HECW1: variants seen among roughly 807,000 people sequenced by gnomAD.
HECW1 encodes the protein E3 ubiquitin-protein ligase HECW1.
In HECW1, 61 loss-of-function variants were observed where a neutral mutation model predicts 182.3. That is an observed-to-expected ratio of 0.33 (90% CI 0.27 to 0.41). The LOEUF is 0.41. Among genes scored for constraint, HECW1 ranks in the 10% least tolerant of loss-of-function variants. The pLI is 1.00. For synonymous variants in HECW1, 859 were observed against 832.6 expected (o/e 1.03, Z -0.55); for missense variants, 1,739 against 2,108.9 (o/e 0.82, Z 3.44).
intron 3 of HECW1, among the ~76,000 whole-genome samples, chr7:43,254,766 C>T (rs1800390324): frequency 6.6e-6 from 1 of 150,684 alleles, no homozygotes; most frequent in Admixed American, 6.6e-5. Flanking sequence ...GGTCGTAATG[C>T]CCAGAGAGAT....
chr7:43,202,566 C>T (rs1017575537), intron 2 of HECW1, among the ~76,000 whole-genome samples: 3 of 151,632 alleles, frequency 2.0e-5, no homozygotes, highest in South Asian at 2.1e-4. Flanking sequence ...CACTGCCTCC[C>T]GGGTTCAAGC....
At chr7:43,336,144 TTCTCTCTCTC>T (rs768468130) in intron 5 of HECW1, among the ~76,000 whole-genome samples, 757 of 51,776 alleles carry the variant, frequency 0.015, 5 homozygotes, top group East Asian at 0.036. Flanking sequence ...CTCTCTCTCT[TTCTCTCTCTC>T]TCTCTCTCTC....
chr7:43,400,120 C>T (rs1293412164), intron 7 of HECW1, among the ~76,000 whole-genome samples: 1 of 152,148 alleles, frequency 6.6e-6, no homozygotes, highest in African/African-American at 2.4e-5. Context: ...CCTATAGTCC[C>T]AGCTACTCAG....
At chr7:43,258,236 G>A (rs1031550546) in intron 3 of HECW1, among the ~76,000 whole-genome samples, 1 of 151,790 alleles carries the variant, frequency 6.6e-6, no homozygotes, top group Admixed American at 6.6e-5. Flanking sequence ...CCAGCTACTC[G>A]GGAGGCTAAG....
chr7:43,479,665 C>T lies in HECW1; in HGVS notation c.3155C>T (p.Pro1052Leu). Residue 1052 changes from proline (P) to leucine (L), a missense_variant, in exon 17 of 30, where the codon CCT becomes CTT. Around this residue, in one of 5 missense-constraint regions of HECW1, gnomAD observed 971 missense variants for 1,029.1 expected, o/e 0.94. Transcript: ENST00000395891. The stretch of plus-strand genomic sequence containing the variant: ...ACCACTTTCATTGACCCCCGAATCC[C>T]TCTTCAGAACGGTCGTCTTCCCAAT... ...RATTFIDPRI[P>L]LQNGRLPNHL... The T allele has an allele frequency of 5.0e-6, 8 of 1,614,104 alleles. No individual in the cohort carries two copies. The highest frequency in any genetic ancestry group is 6.8e-6 in the Non-Finnish European group (8 of 1,180,010).
chr7:43,392,475 A>G (rs1249725136), intron 6 of HECW1, among the ~76,000 whole-genome samples: 1 of 152,210 alleles, frequency 6.6e-6, no homozygotes, highest in Non-Finnish European at 1.5e-5. Flanking sequence ...TTCCAAATAC[A>G]TGCTCATTTG....
At chr7:43,219,570 G>A (rs1796768240) in intron 2 of HECW1, among the ~76,000 whole-genome samples, 2 of 152,116 alleles carry the variant, frequency 1.3e-5, no homozygotes, top group South Asian at 4.1e-4. Context: ...GGGTGTGTGT[G>A]AGAGGGTCAT....
chr7:43,492,656 AT>A (rs1231366400), intron 18 of HECW1, among the ~76,000 whole-genome samples: 1 of 152,192 alleles, frequency 6.6e-6, no homozygotes, highest in Non-Finnish European at 1.5e-5. Context: ...TCTAAATGGT[AT>A]TTCCATTATC....
At chr7:43,430,036 T>C (rs1443788652) in intron 8 of HECW1, among the ~76,000 whole-genome samples, 1 of 152,222 alleles carries the variant, frequency 6.6e-6, no homozygotes, top group African/African-American at 2.4e-5. Flanking sequence ...ACAACCCAAA[T>C]CAAATTAACT....
chr7:43,505,866 A>G (rs539694187), intron 21 of HECW1, among the ~76,000 whole-genome samples: 4 of 152,292 alleles, frequency 2.6e-5, no homozygotes, highest in South Asian at 4.1e-4. Context: ...CTTGTATTAT[A>G]TACTCATTTC....
At chr7:43,401,567 GTTTT>G (rs10574466) in intron 7 of HECW1, among the ~76,000 whole-genome samples, 5 of 123,206 alleles carry the variant, frequency 4.1e-5, no homozygotes, top group African/African-American at 1.5e-4. Flanking sequence ...ATTTAAAAAG[GTTTT>G]TTTTTTTTTT....
chr7:43,441,757 T>A (rs2152875478), intron 9 of HECW1, among the ~76,000 whole-genome samples: 1 of 152,354 alleles, frequency 6.6e-6, no homozygotes, highest in African/African-American at 2.4e-5. Context: ...ACACTGAAAT[T>A]TGAATTTCAT....
At chr7:43,561,763 C>A in intron 29 of HECW1, 52 bp from the exon 30 acceptor site, 1 of 1,229,598 alleles carries the variant, frequency 8.1e-7, no homozygotes, top group Non-Finnish European at 1.2e-6. Context: ...AGATCCAGAA[C>A]CAGTTGTATC....
rs2082305387 is a variant in HECW1 at position 43,565,442 on chromosome 7, A to G, written c.*3516A>G. 1 of 197,430 alleles carries G rather than the reference A, an allele frequency of 5.1e-6. No individual in the cohort carries two copies. Among genetic ancestry groups the G allele is most frequent in the African/African-American group, 2.3e-5 (1 of 43,238 alleles). 12.2% of individuals were successfully genotyped at this position (197,430 alleles called of 1,614,324 possible). A position where few individuals can be genotyped will look rare whatever the true frequency, so the allele number is the denominator to read the frequency against. ...ATCATATTTTCAGTCCATGTGTCAA[A>G]CCATGTGTCCAAAATTTGGGTTCGG... On this transcript the variant is annotated 3_prime_UTR_variant, in exon 30 of 30. Coordinates refer to ENST00000395891, the MANE Select transcript of HECW1 (RefSeq NM_015052.5).
intron 8 of HECW1, among the ~76,000 whole-genome samples, chr7:43,434,609 A>C (rs1023626571): frequency 6.6e-6 from 1 of 152,208 alleles, no homozygotes; most frequent in Admixed American, 6.5e-5. Flanking sequence ...TTACATTTTC[A>C]GGACTACTCA....
chr7:43,535,970 G>A (rs1395325177), intron 24 of HECW1, among the ~76,000 whole-genome samples: 1 of 152,202 alleles, frequency 6.6e-6, no homozygotes, highest in Non-Finnish European at 1.5e-5. Context: ...CCAAGGATAT[G>A]AAAATAACTT....
At chr7:43,180,882 T>C (rs1792786525) in intron 2 of HECW1, among the ~76,000 whole-genome samples, 1 of 152,194 alleles carries the variant, frequency 6.6e-6, no homozygotes, top group African/African-American at 2.4e-5. Flanking sequence ...TATTTTGAAA[T>C]ATGCAATACA....
chr7:43,278,223 A>G (rs1032901428), intron 3 of HECW1, among the ~76,000 whole-genome samples: 3 of 152,060 alleles, frequency 2.0e-5, no homozygotes, highest in Non-Finnish European at 4.4e-5. Context: ...TTATCTGATC[A>G]TCAGCCATTT....
In HECW1 at chr7:43,562,712, G is replaced by C; in HGVS notation, c.*786G>C. ...CTCACACCACAAGAAGGACAAACTT[G>C]TGCACATGTCCAAGAAAGAAAGCTT... On this transcript the variant is annotated 3_prime_UTR_variant, in exon 30 of 30. Transcript: ENST00000395891. 4.5e-6 allele frequency: 1 copy of C among 222,926 alleles called. No homozygotes were observed. The highest frequency in any genetic ancestry group is 6.5e-5 in the East Asian group (1 of 15,320). The allele number at this position is 222,926 out of a possible 1,614,324, so 13.8% of individuals were successfully genotyped here. A position where few individuals can be genotyped will look rare whatever the true frequency, so the allele number is the denominator to read the frequency against.
Sources: gnomAD v4.1 joint callset for allele counts (sites outside exome capture counted in the v4.1 genomes callset) on GRCh38, gnomAD v4.1.1 for gene constraint, gnomAD v4.1.1 regional missense constraint, MANE v1.5 for transcripts, NCBI Gene and HGNC (gene_info 2026-07-23, HGNC 2026-07-21) for gene names.